The following TULP4 variants were observed in gnomAD, a reference collection of about 807,000 sequenced individuals.
TULP4 encodes TUB like protein 4, also known as tubby-related protein 4.
Under a neutral mutation model 129.0 loss-of-function variants are expected in TULP4, and 16 were observed. That is an observed-to-expected ratio of 0.12 (90% CI 0.08 to 0.19). The LOEUF is 0.19. Among genes scored for constraint, TULP4 ranks in the 10% least tolerant of loss-of-function variants. The probability of loss-of-function intolerance (pLI) is 1.00; values close to 1 mark genes in which losing one functional copy is unlikely to be tolerated. For synonymous variants in TULP4, 998 were observed against 854.0 expected, an observed-to-expected ratio of 1.17 and a Z score of -2.94; for missense variants, 1,842 against 2,059.1, an observed-to-expected ratio of 0.89 and a Z score of 2.04.
chr6:158,486,932 G>A (rs1780086482), intron 8 of TULP4, among the ~76,000 whole-genome samples: 1 of 152,020 alleles, frequency 6.6e-6, no homozygotes, highest in South Asian at 2.1e-4. Context: ...GCAACACGGT[G>A]AAACCCTGTC....
chr6:158,241,472 C>T (rs1337711313), intron 1 of TULP4, among the ~76,000 whole-genome samples: 1 of 151,414 alleles, frequency 6.6e-6, no homozygotes, highest in African/African-American at 2.4e-5. Context: ...ACTGAGTGAA[C>T]GAGACTCCGT....
At chr6:158,494,937 A>G in intron 11 of TULP4, 91 bp downstream of exon 11, 1 of 987,540 alleles carries the variant, frequency 1.0e-6, no homozygotes, top group Non-Finnish European at 1.5e-6. Context: ...TAGGAGATGA[A>G]CTTTTAAGAC....
At chr6:158,486,500 C>T (rs1353880260) in intron 8 of TULP4, among the ~76,000 whole-genome samples, 1 of 151,994 alleles carries the variant, frequency 6.6e-6, no homozygotes, top group Non-Finnish European at 1.5e-5. Context: ...TTGCAGTGAG[C>T]CGAGATCGCG....
rs181451012 is a variant in TULP4, at chr6:158,380,665, G to A, written c.253-32400G>A. Among the ~76,000 whole-genome samples the A allele has an allele frequency of 3.2e-3, 481 of 151,830 alleles. 1 individual carries two copies. Among genetic ancestry groups the A allele is most frequent in the Non-Finnish European group, 4.8e-3 (328 of 67,912 alleles). Reference sequence around the variant, plus strand: ...TCCCAGCACTTTGGGAGGTTGAGGCGGGTGGATTACCTGAGGTCAGGAGTT... The same window carrying A: ...TCCCAGCACTTTGGGAGGTTGAGGCAGGTGGATTACCTGAGGTCAGGAGTT... On this transcript the variant is annotated intron_variant, in intron 1 of 13. Transcript: ENST00000367097.
intron 3 of TULP4, among the ~76,000 whole-genome samples, chr6:158,432,167 A>C (rs1034514747): frequency 4.6e-5 from 7 of 151,946 alleles, no homozygotes; most frequent in African/African-American, 1.7e-4. Context: ...CCCTGGGAAA[A>C]ATTTACCACA....
intron 6 of TULP4, among the ~76,000 whole-genome samples, chr6:158,470,586 C>T (rs1036738830): frequency 2.0e-5 from 3 of 152,242 alleles, no homozygotes; most frequent in Non-Finnish European, 4.4e-5. Flanking sequence ...ACCTTCCAAG[C>T]TAGGCTTAGG....
At chr6:158,477,324 G>T (rs1482530186) in intron 6 of TULP4, among the ~76,000 whole-genome samples, 1 of 152,136 alleles carries the variant, frequency 6.6e-6, no homozygotes, top group Non-Finnish European at 1.5e-5. Context: ...CAGAGTGTCT[G>T]CCTTTCAGAT....
intron 12 of TULP4, among the ~76,000 whole-genome samples, chr6:158,501,422 T>A (rs1204741174): frequency 6.6e-6 from 1 of 152,158 alleles, no homozygotes; most frequent in Non-Finnish European, 1.5e-5. Context: ...TGGTGCCAAG[T>A]TTAGAAGGTT....
chr6:158,346,072 A>G (rs1780302004), intron 1 of TULP4, among the ~76,000 whole-genome samples: 1 of 152,158 alleles, frequency 6.6e-6, no homozygotes, highest in African/African-American at 2.4e-5. Flanking sequence ...CCGACCCCAC[A>G]GGCAGTCAGA....
chr6:158,236,009 T>G (rs1001051077), intron 1 of TULP4, among the ~76,000 whole-genome samples: 15 of 152,236 alleles, frequency 9.9e-5, no homozygotes, highest in African/African-American at 3.6e-4. Flanking sequence ...GATGATGACA[T>G]TCCAGCACAT....
At chr6:158,495,973 G>A (rs1489288952) in intron 11 of TULP4, among the ~76,000 whole-genome samples, 1 of 152,172 alleles carries the variant, frequency 6.6e-6, no homozygotes, top group Non-Finnish European at 1.5e-5. Context: ...TGAGCCAAGG[G>A]AGTAAAAGCC....
intron 1 of TULP4, among the ~76,000 whole-genome samples, chr6:158,383,163 A>G (rs910454142): frequency 1.3e-5 from 2 of 152,198 alleles, no homozygotes; most frequent in East Asian, 1.9e-4. Context: ...GGCCATTAAG[A>G]TGCGGGGCCT....
At chr6:158,363,802 TTTAA>T (rs1473899461) in intron 1 of TULP4, among the ~76,000 whole-genome samples, 2 of 152,078 alleles carry the variant, frequency 1.3e-5, no homozygotes, top group African/African-American at 2.4e-5. Context: ...TTTTTTTTCT[TTTAA>T]TTAAGTGTAT....
At chr6:158,458,515 G>A (rs1008754450) in intron 5 of TULP4, among the ~76,000 whole-genome samples, 2 of 152,190 alleles carry the variant, frequency 1.3e-5, no homozygotes, top group African/African-American at 4.8e-5. Context: ...GGCCTACTGA[G>A]TAGAGCATTA....
At chr6:158,455,989 G>C (rs111498700) in intron 5 of TULP4, among the ~76,000 whole-genome samples, 1 of 152,138 alleles carries the variant, frequency 6.6e-6, no homozygotes, top group Non-Finnish European at 1.5e-5. Flanking sequence ...TCAAAGAAAG[G>C]CCACATGGTT....
intron 1 of TULP4, among the ~76,000 whole-genome samples, chr6:158,305,704 C>A (rs1297604781): frequency 4.4e-5 from 6 of 136,558 alleles, no homozygotes; most frequent in Non-Finnish European, 3.2e-5. Flanking sequence ...AACCCTGTCT[C>A]AAAAAAAAAA....
At chr6:158,363,048 G>A (rs1406954664) in intron 1 of TULP4, among the ~76,000 whole-genome samples, 1 of 132,242 alleles carries the variant, frequency 7.6e-6, no homozygotes, top group East Asian at 2.2e-4. Context: ...GGGGGACAGA[G>A]CGAGACTCCA....
At chr6:158,374,768 C>T (rs1182251845) in intron 1 of TULP4, among the ~76,000 whole-genome samples, 4 of 152,174 alleles carry the variant, frequency 2.6e-5, no homozygotes, top group Admixed American at 6.5e-5. Context: ...GCTTTTCAGC[C>T]GTGAATTTAC....
At chr6:158,491,390 GTTCT>G (rs534422353) in intron 9 of TULP4, among the ~76,000 whole-genome samples, 3,768 of 146,688 alleles carry the variant, frequency 0.026, 74 homozygotes, top group African/African-American at 0.034. Context: ...AGTTATAAGA[GTTCT>G]TTCTTTCTTT....
Sources: gnomAD v4.1 joint callset for allele counts (sites outside exome capture counted in the v4.1 genomes callset) on GRCh38, gnomAD v4.1.1 for gene constraint, MANE v1.5 for transcripts, NCBI Gene and HGNC (gene_info 2026-07-23, HGNC 2026-07-21) for gene names.